The following ATRNL1 variants were observed in gnomAD, a reference collection of about 807,000 sequenced individuals.
The protein encoded by ATRNL1 is attractin like 1, also known as attractin-like protein 1.
Under a neutral mutation model 182.7 loss-of-function variants are expected in ATRNL1, and 95 were observed. The observed-to-expected ratio is 0.52, with a 90% confidence interval of 0.44 to 0.62. The LOEUF is 0.62. ATRNL1 is among the 20% of genes least tolerant of loss of function. ATRNL1 has a pLI of 0.00. For synonymous variants in ATRNL1, 576 were observed against 568.3 expected (o/e 1.01, Z -0.19); for missense variants, 1,471 against 1,679.5 (o/e 0.88, Z 2.17).
In ATRNL1 at chr10:115,230,913, G is replaced by GAGAA. The variant is rs1554899828; in HGVS notation, c.1533-10655_1533-10654insAAGA. On this transcript the variant is annotated intron_variant, in intron 9 of 28. Transcript: ENST00000355044. Reference sequence around the variant, plus strand: ...AGAGAGAGAGAGAGAGAGAGAGAGAGAGAGAGAGAAAGAGAGAAATAGTGA... The same window carrying GAGAA: ...AGAGAGAGAGAGAGAGAGAGAGAGAGAGAAAGAGAGAGAAAGAGAGAAATAGTGA... 4.6e-3 allele frequency among the ~76,000 whole-genome samples: 543 copies of GAGAA among 117,664 alleles called. 6 individuals are homozygous for GAGAA. Among genetic ancestry groups the GAGAA allele is most frequent in the African/African-American group, 0.018 (506 of 28,378 alleles). 77.2% of individuals were successfully genotyped at this position (117,664 alleles called of 152,430 possible). A position where few individuals can be genotyped will look rare whatever the true frequency, so the allele number is the denominator to read the frequency against.
intron 26 of ATRNL1, among the ~76,000 whole-genome samples, chr10:115,603,872 A>G (rs2133948958): frequency 6.6e-6 from 1 of 152,296 alleles, no homozygotes; most frequent in East Asian, 1.9e-4. Context: ...CTTAATATGG[A>G]AAATGTTTTA....
intron 5 of ATRNL1, among the ~76,000 whole-genome samples, chr10:115,146,558 TA>T (rs1554879407): frequency 6.6e-6 from 1 of 152,036 alleles, no homozygotes; most frequent in East Asian, 1.9e-4. Flanking sequence ...CATTGAATAT[TA>T]TAATTTGTAT....
chr10:115,191,382 C>T (rs538640526), intron 8 of ATRNL1, among the ~76,000 whole-genome samples: 12 of 151,992 alleles, frequency 7.9e-5, no homozygotes, highest in Non-Finnish European at 1.2e-4. Flanking sequence ...GCATTATTGC[C>T]TGTCTTTTGG....
chr10:115,323,530 C>T (rs1554932193), intron 18 of ATRNL1, among the ~76,000 whole-genome samples: 2 of 150,750 alleles, frequency 1.3e-5, no homozygotes, highest in African/African-American at 4.9e-5. Context: ...CTGCAACCTC[C>T]GCCTCCTGGG....
chr10:115,475,299 T>C (rs1848481258), intron 24 of ATRNL1, among the ~76,000 whole-genome samples: 1 of 151,532 alleles, frequency 6.6e-6, no homozygotes, highest in Non-Finnish European at 1.5e-5. Flanking sequence ...TAATTATGCA[T>C]GAAATGCTGC....
chr10:115,427,045 A>G (rs1414694250), intron 21 of ATRNL1, among the ~76,000 whole-genome samples: 1 of 152,166 alleles, frequency 6.6e-6, no homozygotes, highest in Non-Finnish European at 1.5e-5. Flanking sequence ...TTAAAGAAAC[A>G]GCCAAATGCT....
chr10:115,791,468 A>G (rs1555081765), intron 27 of ATRNL1, among the ~76,000 whole-genome samples: 1 of 152,182 alleles, frequency 6.6e-6, no homozygotes, highest in Non-Finnish European at 1.5e-5. Flanking sequence ...TCGGAAAGGT[A>G]ACCACTGTTT....
At chr10:115,182,721 C>A (rs1422311194) in intron 8 of ATRNL1, among the ~76,000 whole-genome samples, 3 of 151,092 alleles carry the variant, frequency 2.0e-5, no homozygotes, top group African/African-American at 7.3e-5. Context: ...TACAAGAATA[C>A]CTTATAATTA....
intron 8 of ATRNL1, among the ~76,000 whole-genome samples, chr10:115,177,178 CA>C (rs1217925359): frequency 6.6e-6 from 1 of 152,122 alleles, no homozygotes; most frequent in Non-Finnish European, 1.5e-5. Context: ...GCCTCAAGTA[CA>C]ATCATTACTA....
chr10:115,348,062 C>T (rs548088144), intron 19 of ATRNL1, among the ~76,000 whole-genome samples: 2 of 152,318 alleles, frequency 1.3e-5, no homozygotes, highest in South Asian at 4.1e-4. Context: ...CAACCCCAGC[C>T]TCCCGGGTTC....
intron 27 of ATRNL1, among the ~76,000 whole-genome samples, chr10:115,780,674 G>A (rs1949243451): frequency 6.6e-6 from 1 of 152,180 alleles, no homozygotes; most frequent in Non-Finnish European, 1.5e-5. Context: ...CCAGGCCCTA[G>A]CTCCTGGATG....
At chr10:115,831,312 C>G (rs1235250125) in intron 27 of ATRNL1, among the ~76,000 whole-genome samples, 1 of 152,174 alleles carries the variant, frequency 6.6e-6, no homozygotes, top group African/African-American at 2.4e-5. Flanking sequence ...TCCCTTTAAT[C>G]TCTCAATCTT....
intron 1 of ATRNL1, among the ~76,000 whole-genome samples, chr10:115,100,305 T>TA (rs1843722846): frequency 2.0e-5 from 3 of 149,802 alleles, no homozygotes; most frequent in African/African-American, 7.4e-5. Flanking sequence ...CTTTAAAAAA[T>TA]AAAAAATAAA....
chr10:115,889,785 A>G (rs1216601485), intron 28 of ATRNL1, among the ~76,000 whole-genome samples: 3 of 152,228 alleles, frequency 2.0e-5, no homozygotes, highest in Non-Finnish European at 2.9e-5. Flanking sequence ...ATGAGCGCAT[A>G]TAAGTAATGT....
intron 20 of ATRNL1, among the ~76,000 whole-genome samples, chr10:115,412,467 G>T (rs547679945): frequency 6.6e-6 from 1 of 152,044 alleles, no homozygotes; most frequent in East Asian, 1.9e-4. Flanking sequence ...CCTGATCCAC[G>T]GAAACAGTGA....
At chr10:115,294,312 C>A (rs1196481189) in intron 15 of ATRNL1, among the ~76,000 whole-genome samples, 3 of 152,142 alleles carry the variant, frequency 2.0e-5, no homozygotes. Flanking sequence ...ATAGCAAGAT[C>A]CCATCTCTGT....
intron 5 of ATRNL1, among the ~76,000 whole-genome samples, chr10:115,159,156 T>G (rs1375251866): frequency 4.6e-5 from 7 of 151,546 alleles, no homozygotes; most frequent in Non-Finnish European, 8.9e-5. Context: ...ATAAATTTAC[T>G]TATATATAAT....
chr10:115,620,916 T>TTTCATAGAAA (rs1245883984), intron 26 of ATRNL1, among the ~76,000 whole-genome samples: 3 of 152,172 alleles, frequency 2.0e-5, no homozygotes, highest in Non-Finnish European at 4.4e-5. Context: ...GTAAAGCAGT[T>TTTCATAGAAA]TTCATAGAAA....
In ATRNL1 at chr10:115,108,748, C is replaced by T. The variant is rs574688181; in HGVS notation, c.294-11437C>T. ...GCAAGCTCTCAGCTTGCAGGCTGCT[C>T]CTTGTTAGAAAATGATTTGGGGCTG... On this transcript the variant is annotated intron_variant, in intron 1 of 28. Transcript: ENST00000355044. Among the ~76,000 whole-genome samples the T allele has an allele frequency of 4.6e-5, 7 of 152,256 alleles. No individual in the cohort carries two copies. In the East Asian group the frequency reaches 5.8e-4, roughly 13 times the overall value.
Sources: allele counts gnomAD v4.1 joint callset (sites outside exome capture counted in the v4.1 genomes callset), GRCh38; gene constraint gnomAD v4.1.1; transcripts MANE v1.5; gene names NCBI Gene and HGNC (gene_info 2026-07-23, HGNC 2026-07-21).